VWA3B: variants seen among roughly 807,000 people sequenced by gnomAD.
VWA3B encodes the protein von Willebrand factor A domain containing 3B, also known as von Willebrand factor A domain-containing protein 3B.
A neutral mutation model predicts 158.3 loss-of-function variants in VWA3B; 138 were observed. The ratio of observed to expected loss-of-function variants is 0.87; its 90% CI spans 0.76 to 1.00. The LOEUF (loss-of-function observed/expected upper bound fraction) is 1.00. Ranked by LOEUF, VWA3B falls within the 50% of genes least tolerant of loss-of-function variation. The pLI is 0.00. For missense variants in VWA3B, 1,555 were observed against 1,565.1 expected (o/e 0.99, Z 0.11); for synonymous variants, 596 against 587.3 (o/e 1.01, Z -0.21).
intron 13 of VWA3B, 82 bp downstream of exon 13, chr2:98,212,110 C>A: frequency 8.3e-7 from 1 of 1,200,368 alleles, no homozygotes; most frequent in Non-Finnish European, 1.2e-6. Context: ...GGGACCTTTT[C>A]AGCTGCCACC....
At chr2:98,225,368 C>T (rs1194814413) in intron 14 of VWA3B, among the ~76,000 whole-genome samples, 1 of 152,182 alleles carries the variant, frequency 6.6e-6, no homozygotes, top group Non-Finnish European at 1.5e-5. Flanking sequence ...ATGGTTTTAT[C>T]AATTGATGCA....
chr2:98,320,121 G>T, the VWA3B span, among the ~76,000 whole-genome samples: 19 of 152,120 alleles, frequency 1.2e-4, no homozygotes, highest in African/African-American at 4.3e-4. Flanking sequence ...CATGGGGCTG[G>T]TCTTTCCCAT....
intron 23 of VWA3B, among the ~76,000 whole-genome samples, chr2:98,294,950 C>T (rs1447592870): frequency 6.6e-6 from 1 of 151,794 alleles, no homozygotes; most frequent in African/African-American, 2.4e-5. Context: ...GACGTACAGC[C>T]CTTTGTTAAT....
Position 98,087,569 on chromosome 2 carries a change from G to A in VWA3B, c.-33+206G>A, listed in dbSNP as rs116371772. Among the ~76,000 whole-genome samples the A allele has an allele frequency of 2.3e-3, 352 of 152,202 alleles. 2 individuals are homozygous for A. Among genetic ancestry groups the A allele is most frequent in the African/African-American group, 8.3e-3 (345 of 41,538 alleles). On this transcript the variant is annotated intron_variant, in intron 1 of 27. Transcript: ENST00000477737. ...TACCCAGGGCAAGCCGAGGGTCAAG[G>A]TACCGACCCCTCCTACTCTAGAGCT...
At chr2:98,121,193 T>C in intron 4 of VWA3B, 106 bp from the exon 5 acceptor site, 1 of 1,374,686 alleles carries the variant, frequency 7.3e-7, no homozygotes, top group South Asian at 1.4e-5. Flanking sequence ...TTTTCAGCTC[T>C]AGAGATGGAT....
chr2:98,243,795 G>A (rs1325249553), intron 19 of VWA3B, among the ~76,000 whole-genome samples: 1 of 152,192 alleles, frequency 6.6e-6, no homozygotes, highest in Admixed American at 6.5e-5. Context: ...TTGCACAACT[G>A]TAATATCTAT....
intron 22 of VWA3B, 141 bp from the exon 23 acceptor site, chr2:98,290,370 C>T (rs1166817348): frequency 3.0e-6 from 2 of 661,002 alleles, no homozygotes; most frequent in South Asian, 2.1e-5. Flanking sequence ...GCCCCACCTC[C>T]AACACTGGAA....
At chr2:98,170,413 GA>G (rs1467393642) in intron 8 of VWA3B, among the ~76,000 whole-genome samples, 15 of 152,160 alleles carry the variant, frequency 9.9e-5, no homozygotes, top group African/African-American at 3.6e-4. Flanking sequence ...AAAAGACAAG[GA>G]AATGGCTGAA....
chr2:98,137,176 C>T (rs1676349163), intron 7 of VWA3B, among the ~76,000 whole-genome samples: 1 of 152,182 alleles, frequency 6.6e-6, no homozygotes, highest in Non-Finnish European at 1.5e-5. Context: ...AATGGAAGTT[C>T]TGAATCATAT....
intron 10 of VWA3B, 97 bp downstream of exon 10, chr2:98,188,226 A>G: frequency 2.7e-6 from 4 of 1,465,460 alleles, no homozygotes; most frequent in Non-Finnish European, 2.8e-6. Context: ...TAGTTGACAC[A>G]TAATGATTGT....
chr2:98,163,193 G>A (rs1678779376), intron 8 of VWA3B, among the ~76,000 whole-genome samples: 1 of 152,134 alleles, frequency 6.6e-6, no homozygotes, highest in African/African-American at 2.4e-5. Context: ...GTGCTCACAT[G>A]TGTGCATATG....
chr2:98,127,010 T>C (rs1675418451), intron 5 of VWA3B, among the ~76,000 whole-genome samples: 1 of 137,836 alleles, frequency 7.3e-6, no homozygotes, highest in Non-Finnish European at 1.5e-5. Context: ...AGGCCTCGGA[T>C]AGATACTGAG....
intron 7 of VWA3B, among the ~76,000 whole-genome samples, chr2:98,159,941 C>G (rs569222215): frequency 2.3e-4 from 35 of 150,802 alleles, no homozygotes; most frequent in African/African-American, 8.5e-4. Flanking sequence ...ACCTGGGAGG[C>G]AGAGGTTGCA....
chr2:98,110,548 T>C (rs1674060829), intron 2 of VWA3B, among the ~76,000 whole-genome samples: 2 of 152,214 alleles, frequency 1.3e-5, no homozygotes, highest in South Asian at 4.1e-4. Flanking sequence ...GTTTTTTGAA[T>C]GATGAATGAT....
chr2:98,302,201 C>A (rs1196271844), intron 25 of VWA3B, among the ~76,000 whole-genome samples: 1 of 152,084 alleles, frequency 6.6e-6, no homozygotes, highest in East Asian at 1.9e-4. Flanking sequence ...GACTGCCCTC[C>A]CCATCTCCTC....
chr2:98,163,495 G>A (rs1678813436), intron 8 of VWA3B, among the ~76,000 whole-genome samples: 1 of 152,116 alleles, frequency 6.6e-6, no homozygotes, highest in Non-Finnish European at 1.5e-5. Context: ...CCGAGATCGT[G>A]CCACTGCACT....
chr2:98,302,961 G>GAA (rs930575293), intron 25 of VWA3B, among the ~76,000 whole-genome samples: 1 of 152,048 alleles, frequency 6.6e-6, no homozygotes, highest in Non-Finnish European at 1.5e-5. Flanking sequence ...CATCACCCCA[G>GAA]AAAAAAACCC....
At chr2:98,118,036 C>T (rs903060542) in intron 3 of VWA3B, among the ~76,000 whole-genome samples, 2 of 152,174 alleles carry the variant, frequency 1.3e-5, no homozygotes, top group African/African-American at 2.4e-5. Context: ...CATGCCAGGT[C>T]CAGCTTAAAT....
At chr2:98,276,970 C>A (rs1688565893) in intron 22 of VWA3B, among the ~76,000 whole-genome samples, 1 of 152,186 alleles carries the variant, frequency 6.6e-6, no homozygotes, top group Non-Finnish European at 1.5e-5. Context: ...GGAGACACGG[C>A]AGCAAATGCT....
Sources: allele counts gnomAD v4.1 joint callset (sites outside exome capture counted in the v4.1 genomes callset), GRCh38; gene constraint gnomAD v4.1.1; transcripts MANE v1.5; gene names NCBI Gene and HGNC (gene_info 2026-07-23, HGNC 2026-07-21).